Variants in ESYT3 observed in about 807,000 individuals in gnomAD.
ESYT3 encodes extended synaptotagmin-3.
ESYT3 carries 101 observed loss-of-function variants against 111.5 expected under a neutral mutation model. That is an observed-to-expected ratio of 0.91 (90% CI 0.77 to 1.07). The LOEUF (loss-of-function observed/expected upper bound fraction) is 1.07. Ranked by LOEUF, ESYT3 falls within the 50% of genes least tolerant of loss-of-function variation. ESYT3 has a pLI of 0.00. For synonymous variants in ESYT3, 416 were observed against 446.8 expected, an observed-to-expected ratio of 0.93 and a Z score of 0.87; for missense variants, 1,097 against 1,109.4, an observed-to-expected ratio of 0.99 and a Z score of 0.16.
intron 5 of ESYT3, among the ~76,000 whole-genome samples, chr3:138,459,663 A>G (rs1267920734): frequency 6.6e-6 from 1 of 152,234 alleles, no homozygotes; most frequent in East Asian, 1.9e-4. Context: ...GGGCCAGCCC[A>G]AAACTTGGCA....
chr3:138,435,037 T>G lies in ESYT3; in HGVS notation c.239T>G (p.Leu80Arg). The G allele has an allele frequency of 6.3e-7, 1 of 1,586,196 alleles. No homozygotes were observed. The highest frequency in any genetic ancestry group is 1.3e-5 in the African/African-American group (1 of 74,872). ...MWWRRNRRGK[L>R]GRLAAAFEFL... ...TGGCGCAGGAACCGCCGCGGGAAGC[T>G]TGGGCGCCTGGCCGCCGCCTTCGAA... The change falls in exon 1 of 23, where the codon CTT becomes CGT. Residue 80 changes from leucine to arginine, a missense_variant. Leu to Arg is a moderately radical substitution (Grantham distance 102). Transcript: ENST00000389567. This position sits in a 1 kb window ranked among gnomAD's most constrained non-coding sequence, Gnocchi z 4.8.
At chr3:138,467,843 G>A (rs1484561827) in intron 11 of ESYT3, among the ~76,000 whole-genome samples, 1 of 152,150 alleles carries the variant, frequency 6.6e-6, no homozygotes, top group Non-Finnish European at 1.5e-5. Context: ...CCCAGCAGGG[G>A]ACAGTCACAT....
In ESYT3 at chr3:138,459,947, G is replaced by T; in HGVS notation, c.651G>T (p.Leu217Phe). The T allele has an allele frequency of 2.5e-6, 4 of 1,613,742 alleles. No individual in the cohort carries two copies. Among genetic ancestry groups the T allele is most frequent in the African/African-American group, 1.3e-5 (1 of 75,052 alleles). The change falls in exon 6 of 23, where the codon TTG (leucine) becomes TTT (phenylalanine). Residue 217 changes from leucine to phenylalanine, a missense_variant and splice_region_variant. Leu to Phe is a conservative substitution (Grantham distance 22). Coordinates refer to ENST00000389567, the MANE Select transcript of ESYT3 (RefSeq NM_031913.5). Reference sequence around the variant, plus strand: ...ACGGGCCCTCTGTGCCTATCCAGTTGCAGGGCACCCTGCGGGTCATCCTGG... The same window carrying T: ...ACGGGCCCTCTGTGCCTATCCAGTTTCAGGGCACCCTGCGGGTCATCCTGG... ...KIQAGVNGIQLQGTLRVILEP... is the reference protein window; with the variant it reads ...KIQAGVNGIQFQGTLRVILEP...
At position 138,434,666 on chromosome 3, in the gene ESYT3, C is replaced by G; in HGVS notation, c.-133C>G. ...GCAGAGAACCCTGAGCTCGGCGCGC[C>G]GAGAGTCCCAGCAGGGCAAGGGGGC... is the stretch of plus-strand genomic sequence containing the variant. On this transcript the variant is annotated 5_prime_UTR_variant, in exon 1 of 23. Transcript: ENST00000389567. 1.2e-6 allele frequency: 1 copy of G among 809,074 alleles called. No homozygotes were observed. The highest frequency in any genetic ancestry group is 2.1e-5 in the South Asian group (1 of 48,428). The allele number at this position is 809,074 out of a possible 1,614,324, so 50.1% of individuals were successfully genotyped here.
At chr3:138,436,437 C>G (rs187867976) in intron 1 of ESYT3, among the ~76,000 whole-genome samples, 1 of 152,352 alleles carries the variant, frequency 6.6e-6, no homozygotes, top group East Asian at 1.9e-4. Context: ...AAAACCCTAC[C>G]TGCAAATAGA....
At chr3:138,443,066 C>T (rs1019377042) in intron 1 of ESYT3, among the ~76,000 whole-genome samples, 1 of 152,120 alleles carries the variant, frequency 6.6e-6, no homozygotes, top group Non-Finnish European at 1.5e-5. Context: ...TCAGGGCCAC[C>T]CCCCTCTGCT....
intron 1 of ESYT3, among the ~76,000 whole-genome samples, chr3:138,441,827 C>CTTT (rs11449694): frequency 0.014 from 2,026 of 149,466 alleles, 46 homozygotes; most frequent in African/African-American, 0.046. Flanking sequence ...GACAAAGCAC[C>CTTT]TTTTTTTTTT....
At chr3:138,456,639 G>GCA (rs955582332) in intron 3 of ESYT3, among the ~76,000 whole-genome samples, 6 of 152,164 alleles carry the variant, frequency 3.9e-5, no homozygotes, top group African/African-American at 1.4e-4. Flanking sequence ...TCTTATAGGA[G>GCA]CACAAACCCT....
At chr3:138,473,006 G>A in intron 18 of ESYT3, 147 bp downstream of exon 18, 1 of 1,489,332 alleles carries the variant, frequency 6.7e-7, no homozygotes, top group Non-Finnish European at 8.9e-7. Flanking sequence ...GTGGTAGAAA[G>A]AACACAGGAC....
At position 138,460,655 on chromosome 3, in the gene ESYT3, G is replaced by T. The variant is rs570004305; in HGVS notation, c.783G>T (p.Ala261=). The change falls in exon 7 of 23, where the codon GCG becomes GCT. Residue 261 remains alanine (A), a synonymous_variant. Transcript: ENST00000389567. ...CTGGCCTGACCAACCTGCTGGATGC[G>T]CCGGGAATCAAGTAGGTGCCTGGGA... is the stretch of plus-strand genomic sequence containing the variant. The part of the protein sequence containing the change: ...NWTGLTNLLD[A]PGINDVSDSL... 6.2e-7 allele frequency: 1 copy of T among 1,613,990 alleles called. No homozygotes were observed. Among genetic ancestry groups the T allele is most frequent in the Non-Finnish European group, 8.5e-7 (1 of 1,179,902 alleles).
At chr3:138,479,989 T>G (rs1288168561), downstream of ESYT3, 1 of 152,202 alleles carries the variant, frequency 6.6e-6, no homozygotes, top group Non-Finnish European at 1.5e-5. Context: ...AAGTATGTAT[T>G]CAAAATTGCA....
chr3:138,472,873 T>G lies in ESYT3; in HGVS notation c.2237+14T>G, dbSNP rs1003137505. The stretch of plus-strand genomic sequence containing the variant: ...CCTCAACATTGAGTATGCACCTCTC[T>G]GCTTAATCTTTTCTAAAATCGCCTG... On this transcript the variant is annotated intron_variant, in intron 18 of 22. Transcript: ENST00000389567. 6.3e-7 allele frequency: 1 copy of G among 1,594,216 alleles called. No individual in the cohort carries two copies. Among genetic ancestry groups the G allele is most frequent in the Non-Finnish European group, 8.5e-7 (1 of 1,170,170 alleles).
At position 138,477,032 on chromosome 3, in the gene ESYT3, A is replaced by C. The variant is rs1235168233; in HGVS notation, c.*178A>C. 4 of 456,606 alleles carry C rather than the reference A, an allele frequency of 8.8e-6. No homozygotes were observed. The highest frequency in any genetic ancestry group is 1.5e-5 in the Non-Finnish European group (4 of 262,364). The allele number at this position is 456,606 out of a possible 1,614,324, so 28.3% of individuals were successfully genotyped here. On this transcript the variant is annotated 3_prime_UTR_variant, in exon 23 of 23. Transcript: ENST00000389567. The stretch of plus-strand genomic sequence containing the variant: ...TTTAACTCCATGACTGAATAGCATA[A>C]GGAAGAGGTTATTTAAAAGCAAGAA...
chr3:138,437,336 G>A (rs1295779912), intron 1 of ESYT3, among the ~76,000 whole-genome samples: 1 of 152,212 alleles, frequency 6.6e-6, no homozygotes, highest in African/African-American at 2.4e-5. Context: ...TCCTTGACAA[G>A]GACCTGGGAA....
At chr3:138,470,390 C>A in intron 16 of ESYT3, 1 of 1,223,600 alleles carries the variant, frequency 8.2e-7, no homozygotes, top group South Asian at 2.2e-5. Flanking sequence ...GCAAAAGGGT[C>A]TTTATATTTG....
At chr3:138,474,894 T>A (rs1274773560) in intron 20 of ESYT3, among the ~76,000 whole-genome samples, 1 of 152,196 alleles carries the variant, frequency 6.6e-6, no homozygotes, top group African/African-American at 2.4e-5. Context: ...GCAAGTCTCA[T>A]CCCAAATATT....
intron 2 of ESYT3, among the ~76,000 whole-genome samples, chr3:138,454,918 ATG>A (rs2032177291): frequency 6.6e-6 from 1 of 152,238 alleles, no homozygotes; most frequent in Admixed American, 6.5e-5. Context: ...AATGTAGTGA[ATG>A]AGTATTTCTT....
chr3:138,472,303 A>G (rs2033259332), intron 17 of ESYT3, 60 bp from the exon 18 acceptor site: 2 of 1,564,026 alleles, frequency 1.3e-6, no homozygotes, highest in African/African-American at 2.7e-5. Flanking sequence ...ACGGGAAACA[A>G]TGGCTGAGGT....
At chr3:138,453,126 G>A (rs1163882776) in intron 2 of ESYT3, among the ~76,000 whole-genome samples, 2 of 152,188 alleles carry the variant, frequency 1.3e-5, no homozygotes, top group Non-Finnish European at 2.9e-5. Flanking sequence ...GCAGGTTGCT[G>A]CTTTAAGAGG....
Sources: allele counts gnomAD v4.1 joint callset (sites outside exome capture counted in the v4.1 genomes callset), GRCh38; gene constraint gnomAD v4.1.1; non-coding constraint Gnocchi (gnomAD v3.1); transcripts MANE v1.5; gene names NCBI Gene and HGNC (gene_info 2026-07-23, HGNC 2026-07-21).